The following GPR39 variants were observed in gnomAD, a reference collection of about 807,000 sequenced individuals.
GPR39 encodes the protein G protein-coupled receptor 39.
A neutral mutation model predicts 18.4 loss-of-function variants in GPR39; 23 were observed. The ratio of observed to expected loss-of-function variants is 1.25; its 90% CI spans 0.90 to 1.77. The LOEUF is 1.77. Ranked by LOEUF, GPR39 falls within the 40% of genes most tolerant of loss-of-function variation. GPR39 has a pLI of 0.00. For synonymous variants in GPR39, 280 were observed against 257.9 expected (o/e 1.09, Z -0.82); for missense variants, 647 against 602.4 (o/e 1.07, Z -0.78).
chr2:132,559,086 G>A (rs4954340), intron 1 of GPR39, among the ~76,000 whole-genome samples: 38,216 of 152,094 alleles, frequency 0.25, 6,151 homozygotes, highest in East Asian at 0.77. Context: ...ATAGAAAATG[G>A]CGTTCATGCT....
chr2:132,538,679 C>A (rs762460942), intron 1 of GPR39, among the ~76,000 whole-genome samples: 2 of 152,230 alleles, frequency 1.3e-5, no homozygotes, highest in South Asian at 2.1e-4. Context: ...TCCCTCCCCC[C>A]GGGTGCTCTG....
At chr2:132,625,193 G>A (rs756938366) in intron 1 of GPR39, among the ~76,000 whole-genome samples, 11 of 151,710 alleles carry the variant, frequency 7.3e-5, no homozygotes, top group East Asian at 1.9e-4. Context: ...AGTACATGGC[G>A]ACGTCTTGCT....
chr2:132,489,847 TAGTC>T (rs1681422508), intron 1 of GPR39, among the ~76,000 whole-genome samples: 1 of 152,024 alleles, frequency 6.6e-6, no homozygotes, highest in Admixed American at 6.5e-5. Flanking sequence ...ATGATCAATT[TAGTC>T]AGTTACTGAC....
At chr2:132,430,070 C>T (rs563265665) in intron 1 of GPR39, among the ~76,000 whole-genome samples, 44 of 152,260 alleles carry the variant, frequency 2.9e-4, no homozygotes, top group Non-Finnish European at 5.3e-4. Context: ...ACTGATGTGG[C>T]CATGTGGCCA....
chr2:132,533,905 G>A (rs1485678467), intron 1 of GPR39, among the ~76,000 whole-genome samples: 8 of 152,256 alleles, frequency 5.3e-5, no homozygotes, highest in South Asian at 2.1e-4. Context: ...GAAAACCTAC[G>A]AAATACCATT....
intron 1 of GPR39, among the ~76,000 whole-genome samples, chr2:132,584,872 T>C (rs1008615042): frequency 3.3e-5 from 5 of 152,080 alleles, no homozygotes; most frequent in Admixed American, 2.6e-4. Flanking sequence ...CAAAATCTTG[T>C]TTATGGACTT....
chr2:132,490,904 G>A (rs1394839297), intron 1 of GPR39, among the ~76,000 whole-genome samples: 1 of 152,172 alleles, frequency 6.6e-6, no homozygotes, highest in African/African-American at 2.4e-5. Context: ...TGATAAACGT[G>A]TGAGGGCTAA....
intron 1 of GPR39, among the ~76,000 whole-genome samples, chr2:132,436,468 G>A (rs187522716): frequency 6.6e-6 from 1 of 152,148 alleles, no homozygotes; most frequent in East Asian, 1.9e-4. Flanking sequence ...ATATTTTTGA[G>A]GCCCATTAAA....
At chr2:132,501,054 G>GTTTTTTTTTTTTTTTTTTTTTTTGT (rs55720929) in intron 1 of GPR39, among the ~76,000 whole-genome samples, 1 of 90,326 alleles carries the variant, frequency 1.1e-5, no homozygotes, top group African/African-American at 4.1e-5. Context: ...TATCTTTTGT[G>GTTTTTTTTTTTTTTTTTTTTTTTGT]TTTTTTTTTT....
intron 1 of GPR39, among the ~76,000 whole-genome samples, chr2:132,429,134 A>G (rs191082202): frequency 1.3e-5 from 2 of 152,314 alleles, no homozygotes; most frequent in East Asian, 1.9e-4. Context: ...TCCTCATAGT[A>G]TCATTAGCAT....
intron 1 of GPR39, among the ~76,000 whole-genome samples, chr2:132,584,544 T>C (rs1014697912): frequency 2.0e-5 from 3 of 151,960 alleles, no homozygotes; most frequent in African/African-American, 7.3e-5. Context: ...GCAAGATCTC[T>C]GCCCCTTTCT....
chr2:132,417,348 C>T lies in GPR39; in HGVS notation c.306C>T (p.Ser102=). ...TCATCTGGAATCCCCTGACCACGTC[C>T]AGCTACACCCTGTCCTGCAAGCTGC... The part of the protein sequence containing the change: ...YSIIWNPLTT[S]SYTLSCKLHT... Residue 102 remains serine (S), a synonymous_variant, in exon 1 of 2, where the codon TCC becomes TCT. Coordinates refer to ENST00000329321, the MANE Select transcript of GPR39 (RefSeq NM_001508.3). 1 of 1,614,166 alleles carries T rather than the reference C, an allele frequency of 6.2e-7. No individual in the cohort carries two copies. Among genetic ancestry groups the T allele is most frequent in the Non-Finnish European group, 8.5e-7 (1 of 1,180,022 alleles).
At chr2:132,507,299 T>C (rs13422295) in intron 1 of GPR39, among the ~76,000 whole-genome samples, 67,074 of 152,018 alleles carry the variant, frequency 0.44, 15,593 homozygotes, top group Non-Finnish European at 0.5. Context: ...ACTATAGTAT[T>C]CTATATTTGG....
intron 1 of GPR39, among the ~76,000 whole-genome samples, chr2:132,535,777 T>C (rs1040492979): frequency 1.5e-4 from 23 of 150,158 alleles, no homozygotes; most frequent in African/African-American, 5.6e-4. Flanking sequence ...TTTGACTTAT[T>C]CCTGGTTTAG....
intron 1 of GPR39, among the ~76,000 whole-genome samples, chr2:132,483,665 A>T (rs906431680): frequency 2.0e-5 from 3 of 152,200 alleles, no homozygotes; most frequent in African/African-American, 7.2e-5. Flanking sequence ...TCCAGGACAC[A>T]GTTGCTTTTC....
chr2:132,617,052 T>C (rs1375157128), intron 1 of GPR39, among the ~76,000 whole-genome samples: 1 of 152,158 alleles, frequency 6.6e-6, no homozygotes, highest in Non-Finnish European at 1.5e-5. Context: ...GGATTCTCTT[T>C]CTCTATTTAA....
intron 1 of GPR39, among the ~76,000 whole-genome samples, chr2:132,441,727 T>C (rs1021102126): frequency 1.6e-4 from 25 of 152,222 alleles, no homozygotes; most frequent in African/African-American, 5.1e-4. Flanking sequence ...TAATTTAAGT[T>C]TAGATGTGAC....
chr2:132,531,779 T>G (rs1248715017), intron 1 of GPR39, among the ~76,000 whole-genome samples: 1 of 152,134 alleles, frequency 6.6e-6, no homozygotes, highest in African/African-American at 2.4e-5. Flanking sequence ...AAGGCAGAAA[T>G]AAAGATGTTC....
rs948881403 is a variant in GPR39 at position 132,564,810 on chromosome 2, C to CTTTTTTTTTTTTTTTTTTTTTTTTTTTT, written c.857-80270_857-80269insTTTTTTTTTTTTTTTTTTTTTTTTTTTT. Among the ~76,000 whole-genome samples, 82 of 95,458 alleles carry CTTTTTTTTTTTTTTTTTTTTTTTTTTTT rather than the reference C, an allele frequency of 8.6e-4. 13 individuals carry two copies. The highest frequency in any genetic ancestry group is 1.1e-3 in the Non-Finnish European group (58 of 51,628). The allele number at this position is 95,458 out of a possible 152,430, so 62.6% of individuals were successfully genotyped here. ...TTTAATAACTATTTTTTTCTTTTTT[C>CTTTTTTTTTTTTTTTTTTTTTTTTTTTT]TTTTTTTTTTTTTTTTTTTTTGTTG... On this transcript the variant is annotated intron_variant, in intron 1 of 1. Coordinates refer to ENST00000329321, the MANE Select transcript of GPR39 (RefSeq NM_001508.3).
Sources: allele counts gnomAD v4.1 joint callset (sites outside exome capture counted in the v4.1 genomes callset), GRCh38; gene constraint gnomAD v4.1.1; transcripts MANE v1.5; gene names NCBI Gene and HGNC (gene_info 2026-07-23, HGNC 2026-07-21).